Variants in TRAPPC9 observed in about 807,000 individuals in gnomAD.
TRAPPC9 encodes trafficking protein particle complex subunit 9.
In TRAPPC9, 83 loss-of-function variants were observed where a neutral mutation model predicts 124.0. That is an observed-to-expected ratio of 0.67 (90% CI 0.56 to 0.80). The LOEUF is 0.80. Among genes scored for constraint, TRAPPC9 ranks in the 30% least tolerant of loss-of-function variants. The pLI, the probability that TRAPPC9 is intolerant of heterozygous loss-of-function variation, is 0.00. For missense variants in TRAPPC9, 1,302 were observed against 1,508.3 expected, an observed-to-expected ratio of 0.86 and a Z score of 2.27; for synonymous variants, 638 against 617.5, an observed-to-expected ratio of 1.03 and a Z score of -0.49.
At chr8:140,195,182 G>A (rs545891243) in intron 17 of TRAPPC9, among the ~76,000 whole-genome samples, 71 of 143,644 alleles carry the variant, frequency 4.9e-4, no homozygotes, top group South Asian at 2.7e-3. Flanking sequence ...AGGATCCACC[G>A]AACAGATCAT....
At chr8:140,321,250 G>A (rs2131942592) in intron 9 of TRAPPC9, among the ~76,000 whole-genome samples, 1 of 152,366 alleles carries the variant, frequency 6.6e-6, no homozygotes. Context: ...GAGCCACCAA[G>A]TGAGGCAGAC....
chr8:140,275,616 A>G (rs2131648528), intron 15 of TRAPPC9, 42 bp downstream of exon 15: 1 of 1,598,114 alleles, frequency 6.3e-7, no homozygotes, highest in South Asian at 1.1e-5. Context: ...ACAAGTAAAC[A>G]ATACAAACAT....
chr8:140,223,045 T>C (rs915317645), intron 16 of TRAPPC9, among the ~76,000 whole-genome samples: 2 of 152,230 alleles, frequency 1.3e-5, no homozygotes, highest in Non-Finnish European at 2.9e-5. Context: ...AGAGTACATG[T>C]GCAGGATGTG....
intron 9 of TRAPPC9, among the ~76,000 whole-genome samples, chr8:140,330,566 C>T (rs2066869270): frequency 6.6e-6 from 1 of 152,134 alleles, no homozygotes; most frequent in African/African-American, 2.4e-5. Context: ...TTCCTTGTTC[C>T]TTTCAGGTTT....
chr8:139,780,978 T>C (rs1304169485), intron 21 of TRAPPC9, among the ~76,000 whole-genome samples: 1 of 152,204 alleles, frequency 6.6e-6, no homozygotes, highest in African/African-American at 2.4e-5. Context: ...GAGATACCAC[T>C]ATATGCTTAT....
At chr8:140,210,075 C>CGG (rs1379734479) in intron 17 of TRAPPC9, among the ~76,000 whole-genome samples, 1 of 152,214 alleles carries the variant, frequency 6.6e-6, no homozygotes, top group African/African-American at 2.4e-5. Flanking sequence ...TAAATCTCCT[C>CGG]GGCGTCACAT....
Position 139,791,308 on chromosome 8 carries a change from G to A in TRAPPC9, c.3056-59106C>T, listed in dbSNP as rs558860626. Among the ~76,000 whole-genome samples, 73 of 137,930 alleles carry A rather than the reference G, an allele frequency of 5.3e-4. No homozygotes were observed. In the South Asian group the frequency reaches 0.012, roughly 24 times the overall value. 90.5% of individuals were successfully genotyped at this position (137,930 alleles called of 152,430 possible). A position where few individuals can be genotyped will look rare whatever the true frequency, so the allele number is the denominator to read the frequency against. On this transcript the variant is annotated intron_variant, in intron 21 of 22. Coordinates refer to ENST00000438773, the MANE Select transcript of TRAPPC9 (RefSeq NM_001160372.4). Reference sequence around the variant, plus strand: ...CCCCTGCACAGACTCTCACACAGGCGCCCGTCTCCCCTGCACAGACACACA... The same window carrying A: ...CCCCTGCACAGACTCTCACACAGGCACCCGTCTCCCCTGCACAGACACACA...
intron 17 of TRAPPC9, among the ~76,000 whole-genome samples, chr8:140,125,082 C>G (rs1163549056): frequency 2.6e-5 from 4 of 152,208 alleles, no homozygotes; most frequent in Non-Finnish European, 5.9e-5. Flanking sequence ...CATCCCCTGC[C>G]CACCTCCTCA....
chr8:140,397,824 G>A, intron 6 of TRAPPC9, 79 bp from the exon 7 acceptor site: 1 of 1,581,322 alleles, frequency 6.3e-7, no homozygotes, highest in Admixed American at 1.7e-5. Flanking sequence ...GTGCTACTGG[G>A]ACTCAATAAC....
At chr8:140,027,678 G>C (rs530622146) in intron 17 of TRAPPC9, among the ~76,000 whole-genome samples, 1 of 152,242 alleles carries the variant, frequency 6.6e-6, no homozygotes, top group Non-Finnish European at 1.5e-5. Context: ...CTACTATAAA[G>C]AACTGCCCGA....
intron 18 of TRAPPC9, among the ~76,000 whole-genome samples, chr8:140,021,287 G>C (rs1241761625): frequency 6.6e-6 from 1 of 152,130 alleles, no homozygotes; most frequent in African/African-American, 2.4e-5. Flanking sequence ...GATTGCTCCA[G>C]AGTTTGCATG....
intron 17 of TRAPPC9, among the ~76,000 whole-genome samples, chr8:140,195,530 CTA>C (rs1463427110): frequency 1.3e-5 from 2 of 151,864 alleles, no homozygotes; most frequent in South Asian, 2.1e-4. Context: ...CAATGATCCA[CTA>C]CACAGCTTGC....
At chr8:139,829,523 C>T (rs1194510165) in intron 21 of TRAPPC9, among the ~76,000 whole-genome samples, 1 of 152,220 alleles carries the variant, frequency 6.6e-6, no homozygotes, top group Non-Finnish European at 1.5e-5. Flanking sequence ...TCTACTAACA[C>T]ACAGTCCCAG....
chr8:139,804,263 C>A (rs111215987), intron 21 of TRAPPC9, among the ~76,000 whole-genome samples: 1 of 136,966 alleles, frequency 7.3e-6, no homozygotes, highest in Non-Finnish European at 1.6e-5. Flanking sequence ...ACACCACCAC[C>A]ACACACACAA....
chr8:140,175,763 C>T (rs2062055888), intron 17 of TRAPPC9, among the ~76,000 whole-genome samples: 1 of 152,216 alleles, frequency 6.6e-6, no homozygotes, highest in Non-Finnish European at 1.5e-5. Flanking sequence ...CAGTGTGCAA[C>T]CGTGTACCAT....
intron 17 of TRAPPC9, among the ~76,000 whole-genome samples, chr8:140,197,235 GATA>G (rs2062691613): frequency 6.6e-6 from 1 of 152,210 alleles, no homozygotes; most frequent in Non-Finnish European, 1.5e-5. Context: ...ACAAATGTAG[GATA>G]ATATTTTGCA....
intron 19 of TRAPPC9, among the ~76,000 whole-genome samples, chr8:139,945,938 G>C (rs898990022): frequency 6.6e-6 from 1 of 152,226 alleles, no homozygotes; most frequent in African/African-American, 2.4e-5. Flanking sequence ...TAGCAAAATA[G>C]TAGTGGTACA....
rs574324217 is a variant in TRAPPC9, at chr8:140,247,964, A to G, written c.2431+4813T>C. On this transcript the variant is annotated intron_variant, in intron 16 of 22. Coordinates refer to ENST00000438773, the MANE Select transcript of TRAPPC9 (RefSeq NM_001160372.4). ...TCTTCTTCATGTCTTTTAGCTCATT[A>G]TGGGTTTTTGTAATTTTTATCAGCT... Among the ~76,000 whole-genome samples, 84 of 152,164 alleles carry G rather than the reference A, an allele frequency of 5.5e-4. 1 individual carries two copies. Among genetic ancestry groups the G allele is most frequent in the Non-Finnish European group, 8.4e-4 (57 of 68,000 alleles).
intron 17 of TRAPPC9, among the ~76,000 whole-genome samples, chr8:140,213,866 TG>T (rs1473192161): frequency 1.3e-5 from 2 of 152,210 alleles, no homozygotes; most frequent in Admixed American, 1.3e-4. Flanking sequence ...GTATTGCACA[TG>T]GAGGGTAGTA....
Sources: gnomAD v4.1 joint callset for allele counts (sites outside exome capture counted in the v4.1 genomes callset) on GRCh38, gnomAD v4.1.1 for gene constraint, MANE v1.5 for transcripts, NCBI Gene and HGNC (gene_info 2026-07-23, HGNC 2026-07-21) for gene names.